Variants in TEX14 observed in about 807,000 individuals in gnomAD.
TEX14 encodes the protein inactive serine/threonine-protein kinase TEX14.
A neutral mutation model predicts 178.6 loss-of-function variants in TEX14; 168 were observed. That is an observed-to-expected ratio of 0.94 (90% confidence interval 0.83 to 1.07). TEX14 has a LOEUF of 1.07. Among genes scored for constraint, TEX14 ranks in the 50% least tolerant of loss-of-function variants. The pLI is 0.00. For synonymous variants in TEX14, 626 were observed against 634.1 expected, an observed-to-expected ratio of 0.99 and a Z score of 0.19; for missense variants, 1,730 against 1,753.6, an observed-to-expected ratio of 0.99 and a Z score of 0.24.
intron 13 of TEX14, 73 bp downstream of exon 13, chr17:58,601,733 A>G (rs2045451684): frequency 7.3e-7 from 1 of 1,374,060 alleles, no homozygotes; most frequent in South Asian, 1.2e-5. Flanking sequence ...AGAGGAGTCA[A>G]TTAGTTGCAG....
intron 2 of TEX14, among the ~76,000 whole-genome samples, chr17:58,633,994 A>G (rs1416445166): frequency 6.6e-6 from 1 of 151,718 alleles, no homozygotes; most frequent in Non-Finnish European, 1.5e-5. Context: ...GCAAATAAGG[A>G]AAGAAGCCAA....
At position 58,657,122 on chromosome 17, in the gene TEX14, TTTTA is replaced by T. The variant is rs763288165; in HGVS notation, c.-1-5124_-1-5121del. Among the ~76,000 whole-genome samples, 138 of 151,762 alleles carry T rather than the reference TTTTA, an allele frequency of 9.1e-4. 1 individual carries two copies. The highest frequency in any genetic ancestry group is 3.2e-3 in the African/African-American group (134 of 41,414). On this transcript the variant is annotated intron_variant, in intron 1 of 31. Coordinates refer to ENST00000349033, the MANE Select transcript of TEX14 (RefSeq NM_031272.5). ...CCATGCTGGCCAAATCTGGTTTTATTTTTATTTATTTATTATTATTTTTAAAAAA... is the reference window on the plus strand; with the variant it reads ...CCATGCTGGCCAAATCTGGTTTTATTTTTATTTATTATTATTTTTAAAAAA...
At chr17:58,611,093 G>A (rs2045733697) in intron 10 of TEX14, 68 bp downstream of exon 10, 1 of 1,169,690 alleles carries the variant, frequency 8.5e-7, no homozygotes, top group African/African-American at 1.5e-5. Context: ...ATCAGATTCT[G>A]TCTCTATAGG....
intron 14 of TEX14, among the ~76,000 whole-genome samples, chr17:58,597,262 G>A (rs1004788215): frequency 6.6e-6 from 1 of 152,098 alleles, no homozygotes; most frequent in African/African-American, 2.4e-5. Context: ...AGCCAGGCAT[G>A]GTGGCACGTG....
chr17:58,679,653 C>T (rs368303485), intron 1 of TEX14: 1 of 152,184 alleles, frequency 6.6e-6, no homozygotes, highest in East Asian at 1.9e-4. Flanking sequence ...AAAAATCCAC[C>T]TTTAATGATC....
chr17:58,615,321 G>A lies in TEX14; in HGVS notation c.792C>T (p.Val264=). The change falls in exon 8 of 32, where the codon GTC becomes GTT. Residue 264 remains valine, a synonymous_variant. Coordinates refer to ENST00000349033, the MANE Select transcript of TEX14 (RefSeq NM_031272.5). The part of the protein sequence containing the change: ...MTNLVWNGSR[V]TVKELNLPTH... ...TGGGGAGATTCAGCTCTTTCACTGT[G>A]ACCCTGCTCCCATTCCACACTAGGC... 2 of 1,612,500 alleles carry A rather than the reference G, an allele frequency of 1.2e-6. No individual in the cohort carries two copies. The highest frequency in any genetic ancestry group is 2.2e-5 in the South Asian group (2 of 91,026).
At chr17:58,615,387 G>C (rs1158223457) in intron 7 of TEX14, 42 bp from the exon 8 acceptor site, 8 of 1,182,912 alleles carry the variant, frequency 6.8e-6, no homozygotes, top group Non-Finnish European at 1.0e-5. Context: ...GGAGTGAGCA[G>C]CCACTTACTC....
intron 2 of TEX14, among the ~76,000 whole-genome samples, chr17:58,641,977 T>C (rs1461265740): frequency 2.0e-5 from 3 of 152,326 alleles, no homozygotes; most frequent in Non-Finnish European, 4.4e-5. Flanking sequence ...CCCTGTTCTT[T>C]CTGGTAAGCC....
intron 26 of TEX14, among the ~76,000 whole-genome samples, chr17:58,566,856 T>C (rs2044411040): frequency 6.6e-6 from 1 of 150,762 alleles, no homozygotes. Context: ...ATATCCATCA[T>C]TTCCAGTTCC....
chr17:58,556,797 C>A lies in TEX14; in HGVS notation c.*214G>T, dbSNP rs549065705. On this transcript the variant is annotated 3_prime_UTR_variant, in exon 32 of 32. Coordinates refer to ENST00000349033, the MANE Select transcript of TEX14 (RefSeq NM_031272.5). ...AAAATTTTTACTATCAAAACTACCTCTCACTTTTCAGAAATCTGACTGAAA... is the reference window on the plus strand; with the variant it reads ...AAAATTTTTACTATCAAAACTACCTATCACTTTTCAGAAATCTGACTGAAA... The A allele has an allele frequency of 5.5e-5, 27 of 489,552 alleles. No individual in the cohort carries two copies. The highest frequency in any genetic ancestry group is 4.6e-4 in the African/African-American group (24 of 52,182). The allele number at this position is 489,552 out of a possible 1,614,324, so 30.3% of individuals were successfully genotyped here.
chr17:58,589,431 G>A lies in TEX14; in HGVS notation c.2577-1410C>T, dbSNP rs112171093. ...CAAAAAATTAGCTGGGCATGGTGGC[G>A]GGCGCCTGTAATCCCAGCTACTTGG... On this transcript the variant is annotated intron_variant, in intron 15 of 31. Transcript: ENST00000349033. 9.2e-3 allele frequency among the ~76,000 whole-genome samples: 1,381 copies of A among 149,926 alleles called. 24 individuals carry two copies. The highest frequency in any genetic ancestry group is 0.031 in the African/African-American group (1,272 of 40,624).
At chr17:58,561,633 A>C in intron 28 of TEX14, 21 bp from the exon 29 acceptor site, 1 of 1,529,706 alleles carries the variant, frequency 6.5e-7, no homozygotes, top group Non-Finnish European at 9.1e-7. Context: ...ACAAGTGAAG[A>C]GAATGGAGAC....
chr17:58,559,430 T>C, intron 30 of TEX14, 23 bp downstream of exon 30: 1 of 1,076,868 alleles, frequency 9.3e-7, no homozygotes, highest in Non-Finnish European at 1.4e-6. Context: ...CAGACTACAT[T>C]ATAAACATAC....
intron 1 of TEX14, among the ~76,000 whole-genome samples, chr17:58,683,110 C>T (rs545364077): frequency 4.0e-5 from 6 of 150,342 alleles, no homozygotes; most frequent in African/African-American, 9.8e-5. Flanking sequence ...CGGTGGCTCA[C>T]GCCTGTAATC....
chr17:58,658,773 T>C (rs570835148), intron 1 of TEX14, among the ~76,000 whole-genome samples: 2 of 152,226 alleles, frequency 1.3e-5, no homozygotes, highest in East Asian at 1.9e-4. Context: ...GATGAGGTAC[T>C]TAACTTCCCA....
intron 12 of TEX14, 98 bp from the exon 13 acceptor site, chr17:58,602,054 A>G (rs2045465639): frequency 7.6e-7 from 1 of 1,311,592 alleles, no homozygotes; most frequent in African/African-American, 1.5e-5. Flanking sequence ...ACTCCCTCTT[A>G]TTCCTGTTGG....
At chr17:58,682,807 G>A (rs1223670248) in intron 1 of TEX14, among the ~76,000 whole-genome samples, 7 of 152,136 alleles carry the variant, frequency 4.6e-5, no homozygotes, top group African/African-American at 7.2e-5. Context: ...GCAAAAAGAT[G>A]TCTGTCCTCC....
intron 1 of TEX14, among the ~76,000 whole-genome samples, chr17:58,672,863 C>A (rs1179812240): frequency 1.3e-5 from 2 of 151,700 alleles, no homozygotes; most frequent in East Asian, 3.9e-4. Flanking sequence ...TCCTGAGTAG[C>A]TGGGATTACA....
In TEX14 at chr17:58,605,065, C is replaced by T. The variant is rs780456762; in HGVS notation, c.1249G>A (p.Ala417Thr). The T allele has an allele frequency of 4.2e-5, 67 of 1,614,184 alleles. No individual in the cohort carries two copies. Among genetic ancestry groups the T allele is most frequent in the Non-Finnish European group, 5.6e-5 (66 of 1,180,032 alleles). ...TTCTGTAAGATCACTTCTGGTGCGG[C>T]CCAGTTGTATAGCTGCGTAGGAAGG... ...VPLPTQLYNW[A>T]APEVILQKAA... The change falls in exon 11 of 32, where the codon GCC becomes ACC. Residue 417 changes from alanine to threonine, a missense_variant. Transcript: ENST00000349033.
Sources: gnomAD v4.1 joint callset for allele counts (sites outside exome capture counted in the v4.1 genomes callset) on GRCh38, gnomAD v4.1.1 for gene constraint, MANE v1.5 for transcripts, NCBI Gene and HGNC (gene_info 2026-07-23, HGNC 2026-07-21) for gene names.